SPIN2A: variants seen among roughly 807,000 people sequenced by gnomAD.
SPIN2A encodes spindlin family member 2A, also known as spindlin-2A.
SPIN2A carries 4 observed loss-of-function variants against 9.2 expected under a neutral mutation model. The ratio of observed to expected loss-of-function variants is 0.44; its 90% confidence interval spans 0.21 to 1.00. The LOEUF (loss-of-function observed/expected upper bound fraction) is 1.00. Among genes scored for constraint, SPIN2A ranks in the 50% least tolerant of loss-of-function variants. The pLI, the probability that SPIN2A is intolerant of heterozygous loss-of-function variation, is 0.26. For missense variants in SPIN2A, 77 were observed against 172.8 expected (o/e 0.45, Z 3.11); for synonymous variants, 25 against 61.2 (o/e 0.41, Z 2.76).
chrX:57,140,221 G>C (rs1277815175), upstream of SPIN2A, among the ~76,000 whole-genome samples: 1 of 110,000 alleles, frequency 9.1e-6, no homozygotes, highest in African/African-American at 3.3e-5. Context: ...CTTAGTTACA[G>C]TTCGTTTTTG....
chrX:57,142,809 A>G, the SPIN2A span, among the ~76,000 whole-genome samples: 6 of 111,765 alleles, frequency 5.4e-5, no homozygotes, highest in Admixed American at 5.7e-4. Flanking sequence ...ATATATATTT[A>G]CAATTATTAT....
intron 1 of SPIN2A, 173 bp downstream of exon 1, chrX:57,137,087 C>T (rs2146916974): frequency 1.3e-6 from 1 of 785,449 alleles, no homozygotes; most frequent in East Asian, 1.2e-4. Flanking sequence ...ACCCCCTTTC[C>T]CTGTCGTCCA....
At chrX:57,146,519 G>A in the SPIN2A span, among the ~76,000 whole-genome samples, 1 of 111,831 alleles carries the variant, frequency 8.9e-6, no homozygotes, top group Non-Finnish European at 1.9e-5. Context: ...AATAGTGGCA[G>A]TTTGACTTCC....
At chrX:57,139,015 CT>C (rs757309049), upstream of SPIN2A, among the ~76,000 whole-genome samples, 4 of 111,959 alleles carry the variant, frequency 3.6e-5, no homozygotes, top group Non-Finnish European at 7.5e-5. Flanking sequence ...TAGGTTGTCT[CT>C]TCATTTTATG....
the SPIN2A span, among the ~76,000 whole-genome samples, chrX:57,144,560 T>C: frequency 9.2e-6 from 1 of 109,272 alleles, no homozygotes; most frequent in South Asian, 3.9e-4. Flanking sequence ...GAACAGGTGG[T>C]ATTTGGTTAC....
the SPIN2A span, among the ~76,000 whole-genome samples, chrX:57,145,253 TG>T: frequency 0.3 from 30,796 of 102,888 alleles, 3,561 homozygotes; most frequent in Middle Eastern, 0.59. Flanking sequence ...ATCATTCTTT[TG>T]GGGGGGGGTA....
upstream of SPIN2A, among the ~76,000 whole-genome samples, chrX:57,139,301 A>T (rs1927932261): frequency 8.9e-6 from 1 of 112,234 alleles, no homozygotes; most frequent in African/African-American, 3.2e-5. Flanking sequence ...AACAACATTT[A>T]TTACAGAGAG....
the SPIN2A span, among the ~76,000 whole-genome samples, chrX:57,146,458 G>A: frequency 9.0e-6 from 1 of 111,639 alleles, no homozygotes; most frequent in Admixed American, 9.5e-5. Flanking sequence ...AGTTCTTGGA[G>A]CTTTTTGAAA....
chrX:57,142,212 T>C (rs1023984229), upstream of SPIN2A, among the ~76,000 whole-genome samples: 3 of 112,197 alleles, frequency 2.7e-5, no homozygotes, highest in Non-Finnish European at 5.6e-5. Context: ...TATTTGAAGT[T>C]TTTATGCTTT....
downstream of SPIN2A, chrX:57,134,530 C>G: frequency 9.0e-6 from 1 of 111,582 alleles, no homozygotes; most frequent in Non-Finnish European, 1.9e-5. Flanking sequence ...TCCCCATACC[C>G]TCGAGAGAAA....
rs753743573 is a variant in SPIN2A, at chrX:57,137,081, C to A, written c.-6+179G>T. ...CCTTGTCTGGCTCCTATTCCTACCC[C>A]CTTTCCCTGTCGTCCACCGCACTCC... On this transcript the variant is annotated intron_variant, in intron 1 of 1. Transcript: ENST00000374906. The A allele has an allele frequency of 6.1e-5, 48 of 789,857 alleles. 1 individual carries two copies. In the South Asian group the frequency reaches 2.4e-3, roughly 40 times the overall value. The allele number at this position is 789,857 out of a possible 1,213,427, so 65.1% of individuals were successfully genotyped here.
At chrX:57,140,988 G>A (rs1479931210), upstream of SPIN2A, among the ~76,000 whole-genome samples, 1 of 111,685 alleles carries the variant, frequency 9.0e-6, no homozygotes, top group African/African-American at 3.3e-5. Context: ...TTTTGTGTGT[G>A]GTAAAAGCAG....
chrX:57,136,983 G>A, intron 1 of SPIN2A: 3 of 898,184 alleles, frequency 3.3e-6, no homozygotes, highest in Non-Finnish European at 2.8e-6. Flanking sequence ...GGTGCTGTCT[G>A]TAACCCCCAC....
rs1257168715 is a variant in SPIN2A, at chrX:57,137,291, G to A, written c.-37C>T. The stretch of plus-strand genomic sequence containing the variant: ...GCTGCCTCTGCTGTGAGCCTGTGGC[G>A]AAGGAGGGTCAACAGGCGACTCGCT... On this transcript the variant is annotated 5_prime_UTR_variant, in exon 1 of 2. Transcript: ENST00000374906. 3.4e-5 allele frequency: 26 copies of A among 758,944 alleles called. No individual in the cohort carries two copies. The highest frequency in any genetic ancestry group is 3.9e-5 in the Non-Finnish European group (25 of 642,062). The allele number at this position is 758,944 out of a possible 1,213,427, so 62.5% of individuals were successfully genotyped here. A position where few individuals can be genotyped will look rare whatever the true frequency, so the allele number is the denominator to read the frequency against.
At chrX:57,143,612 A>G in the SPIN2A span, among the ~76,000 whole-genome samples, 33 of 110,391 alleles carry the variant, frequency 3.0e-4, 1 homozygote, top group African/African-American at 1.0e-3. Flanking sequence ...GAGTAGCTAG[A>G]ACCATAGGAA....
chrX:57,144,327 T>C, the SPIN2A span, among the ~76,000 whole-genome samples: 1 of 103,971 alleles, frequency 9.6e-6, no homozygotes, highest in East Asian at 3.1e-4. Flanking sequence ...TTCTTTAACA[T>C]TCTTGTATTT....
chrX:57,146,692 G>A, the SPIN2A span, among the ~76,000 whole-genome samples: 1 of 111,940 alleles, frequency 8.9e-6, no homozygotes, highest in Non-Finnish European at 1.9e-5. Flanking sequence ...TATAATGTTG[G>A]CTGTGTGTTT....
chrX:57,139,078 C>G (rs1927926207), upstream of SPIN2A, among the ~76,000 whole-genome samples: 2 of 111,924 alleles, frequency 1.8e-5, no homozygotes, highest in African/African-American at 3.2e-5. Flanking sequence ...TTTCACTTGC[C>G]CATTTTTCCT....
At chrX:57,141,831 G>A (rs1928011141), upstream of SPIN2A, among the ~76,000 whole-genome samples, 1 of 110,529 alleles carries the variant, frequency 9.0e-6, no homozygotes, top group African/African-American at 3.3e-5. Context: ...ACTGAAGAAA[G>A]TGTAGGTTTG....
Sources: allele counts gnomAD v4.1 joint callset (sites outside exome capture counted in the v4.1 genomes callset), GRCh38; gene constraint gnomAD v4.1.1; transcripts MANE v1.5; gene names NCBI Gene and HGNC (gene_info 2026-07-23, HGNC 2026-07-21).